Variants in PITPNC1 observed in about 807,000 individuals in gnomAD.
PITPNC1 encodes the protein cytoplasmic phosphatidylinositol transfer protein 1.
In PITPNC1, 18 loss-of-function variants were observed where a neutral mutation model predicts 44.7. The ratio of observed to expected loss-of-function variants is 0.40; its 90% confidence interval spans 0.28 to 0.60. PITPNC1 has a LOEUF of 0.60. PITPNC1 is among the 20% of genes least tolerant of loss of function. The pLI, the probability that PITPNC1 is intolerant of heterozygous loss-of-function variation, is 0.39. For missense variants in PITPNC1, 290 were observed against 418.4 expected (o/e 0.69, Z 2.68); for synonymous variants, 141 against 149.6 (o/e 0.94, Z 0.42).
chr17:67,411,056 T>G (rs1176820892), intron 1 of PITPNC1, among the ~76,000 whole-genome samples: 1 of 144,324 alleles, frequency 6.9e-6, no homozygotes, highest in Non-Finnish European at 1.5e-5. Context: ...CACTCCAGCC[T>G]GGGTGACAGA....
chr17:67,630,340 G>A (rs766390582), intron 5 of PITPNC1, among the ~76,000 whole-genome samples: 2 of 152,170 alleles, frequency 1.3e-5, no homozygotes, highest in African/African-American at 2.4e-5. Flanking sequence ...TCTGTTGGCC[G>A]GGCATGGTGG....
rs747067937 is a variant in PITPNC1, at chr17:67,378,163, G to A, written c.9G>A (p.Leu3=). 1 of 1,547,512 alleles carries A rather than the reference G, an allele frequency of 6.5e-7. No homozygotes were observed. Among genetic ancestry groups the A allele is most frequent in the Non-Finnish European group, 8.7e-7 (1 of 1,150,828 alleles). Residue 3 remains leucine, a synonymous_variant, in exon 1 of 9, where the codon CTG becomes CTA. Transcript: ENST00000581322. ML[L]KEYRICMPLT... ...CCGCGGCCGGCAGGACCATGCTGCT[G>A]AAAGAGTACCGGATCTGCATGCCGC...
At chr17:67,517,723 GGTAACTTAGT>G (rs1186093354) in intron 1 of PITPNC1, among the ~76,000 whole-genome samples, 1 of 152,174 alleles carries the variant, frequency 6.6e-6, no homozygotes, top group Non-Finnish European at 1.5e-5. Context: ...AGAAACAGAA[GGTAACTTAGT>G]GGTTGCTGGG....
At chr17:67,568,047 C>T (rs1598831099) in intron 4 of PITPNC1, among the ~76,000 whole-genome samples, 1 of 152,080 alleles carries the variant, frequency 6.6e-6, no homozygotes, top group Non-Finnish European at 1.5e-5. Flanking sequence ...CACAAAAACT[C>T]GCACAAGAAT....
intron 8 of PITPNC1, chr17:67,687,270 C>T (rs1039958228): frequency 1.0e-4 from 74 of 742,558 alleles, no homozygotes; most frequent in South Asian, 6.6e-5. Context: ...ATGCCCGGTT[C>T]GCAACCTTCC....
chr17:67,443,704 G>A (rs1266290829), intron 1 of PITPNC1, among the ~76,000 whole-genome samples: 1 of 135,438 alleles, frequency 7.4e-6, no homozygotes, highest in Non-Finnish European at 1.5e-5. Context: ...GTGTGATCTT[G>A]GCTCACTGCA....
At chr17:67,534,089 T>TCCA (rs2040497462) in intron 2 of PITPNC1, among the ~76,000 whole-genome samples, 1 of 151,988 alleles carries the variant, frequency 6.6e-6, no homozygotes, top group Non-Finnish European at 1.5e-5. Context: ...GAGACGGGAT[T>TCCA]CCACCATGTT....
chr17:67,450,774 A>G (rs1401286195), intron 1 of PITPNC1, among the ~76,000 whole-genome samples: 1 of 152,164 alleles, frequency 6.6e-6, no homozygotes, highest in African/African-American at 2.4e-5. Flanking sequence ...TATTTTCACA[A>G]TGCTGGGCAA....
intron 1 of PITPNC1, among the ~76,000 whole-genome samples, chr17:67,405,996 A>G (rs935663014): frequency 2.0e-5 from 3 of 152,076 alleles, no homozygotes; most frequent in Admixed American, 1.3e-4. Flanking sequence ...ATAACTTGCT[A>G]TTTTTTCCTA....
At chr17:67,444,102 C>A (rs942173937) in intron 1 of PITPNC1, among the ~76,000 whole-genome samples, 6 of 152,018 alleles carry the variant, frequency 3.9e-5, no homozygotes, top group African/African-American at 1.2e-4. Context: ...CCAACTAGAA[C>A]AATGTGGGTT....
At chr17:67,476,531 G>A (rs2039632846) in intron 1 of PITPNC1, among the ~76,000 whole-genome samples, 2 of 152,076 alleles carry the variant, frequency 1.3e-5, no homozygotes, top group Admixed American at 6.6e-5. Flanking sequence ...GATAGCAAGA[G>A]CTGGAATTAG....
At chr17:67,411,367 C>T (rs528253279) in intron 1 of PITPNC1, among the ~76,000 whole-genome samples, 2 of 152,188 alleles carry the variant, frequency 1.3e-5, no homozygotes, top group South Asian at 4.1e-4. Context: ...GCGAGTTGTC[C>T]TGGAAAGCGC....
chr17:67,388,303 A>G (rs867368340), intron 1 of PITPNC1, among the ~76,000 whole-genome samples: 3 of 149,196 alleles, frequency 2.0e-5, no homozygotes, highest in Admixed American at 6.7e-5. Context: ...GAGTATGTAT[A>G]TTAGTTTTCG....
chr17:67,444,829 G>A (rs1052747919), intron 1 of PITPNC1, among the ~76,000 whole-genome samples: 18 of 152,064 alleles, frequency 1.2e-4, no homozygotes, highest in South Asian at 1.0e-3. Context: ...CCCAGGAGGC[G>A]GAGGTTGCAG....
intron 1 of PITPNC1, among the ~76,000 whole-genome samples, chr17:67,410,220 A>C (rs2038474343): frequency 2.0e-5 from 3 of 152,262 alleles, no homozygotes; most frequent in Admixed American, 2.0e-4. Context: ...TTTATTAGCA[A>C]GAATTAAATA....
chr17:67,540,069 C>CATTTTATTTT lies in PITPNC1; in HGVS notation c.197+7154_197+7163dup, dbSNP rs60946208. ...GAGGAAACTTTACCTGTATCTACTA[C>CATTTTATTTT]ATTTTATTTTATTTTATTTTATTTT... On this transcript the variant is annotated intron_variant, in intron 2 of 8. Coordinates refer to ENST00000581322, the MANE Select transcript of PITPNC1 (RefSeq NM_012417.4). 8.4e-3 allele frequency among the ~76,000 whole-genome samples: 1,211 copies of CATTTTATTTT among 144,314 alleles called. 11 individuals are homozygous for CATTTTATTTT. Among genetic ancestry groups the CATTTTATTTT allele is most frequent in the East Asian group, 0.037 (176 of 4,812 alleles). The allele number at this position is 144,314 out of a possible 152,430, so 94.7% of individuals were successfully genotyped here.
intron 5 of PITPNC1, among the ~76,000 whole-genome samples, chr17:67,615,845 C>T (rs182742390): frequency 9.0e-4 from 137 of 152,232 alleles, no homozygotes; most frequent in African/African-American, 3.2e-3. Flanking sequence ...AACCGTTCTG[C>T]GTCGCTGGTG....
intron 2 of PITPNC1, among the ~76,000 whole-genome samples, chr17:67,545,726 A>G (rs1217698955): frequency 6.6e-6 from 1 of 152,186 alleles, no homozygotes; most frequent in South Asian, 2.1e-4. Flanking sequence ...CTATGTGAAT[A>G]TTAGACTGTA....
At chr17:67,444,969 A>C (rs2039074343) in intron 1 of PITPNC1, among the ~76,000 whole-genome samples, 1 of 151,728 alleles carries the variant, frequency 6.6e-6, no homozygotes, top group African/African-American at 2.4e-5. Context: ...CAGAGTGATT[A>C]CCCATATCCT....
Sources: allele counts gnomAD v4.1 joint callset (sites outside exome capture counted in the v4.1 genomes callset), GRCh38; gene constraint gnomAD v4.1.1; transcripts MANE v1.5; gene names NCBI Gene and HGNC (gene_info 2026-07-23, HGNC 2026-07-21).